CADM2: variants seen among roughly 807,000 people sequenced by gnomAD.
CADM2 encodes immunoglobulin superfamily member 4D.
In CADM2, 12 loss-of-function variants were observed where a neutral mutation model predicts 49.8. That is an observed-to-expected ratio of 0.24 (90% CI 0.15 to 0.39). CADM2 has a LOEUF of 0.39. Ranked by LOEUF, CADM2 falls within the 10% of genes least tolerant of loss-of-function variation. The pLI, the probability that CADM2 is intolerant of heterozygous loss-of-function variation, is 1.00. For synonymous variants in CADM2, 214 were observed against 175.4 expected (o/e 1.22, Z -1.74); for missense variants, 378 against 492.3 (o/e 0.77, Z 2.20).
chr3:85,504,536 T>G (rs948957937), intron 1 of CADM2, among the ~76,000 whole-genome samples: 1 of 152,192 alleles, frequency 6.6e-6, no homozygotes, highest in Non-Finnish European at 1.5e-5. Flanking sequence ...GGGCGCTGAT[T>G]GGTGCATTTA....
At chr3:85,825,697 A>G (rs1271765256) in intron 3 of CADM2, among the ~76,000 whole-genome samples, 3 of 152,126 alleles carry the variant, frequency 2.0e-5, no homozygotes, top group African/African-American at 7.2e-5. Context: ...TATTTTCTAA[A>G]TTAACTTTGT....
At chr3:85,784,886 G>A (rs2070886948) in intron 2 of CADM2, among the ~76,000 whole-genome samples, 1 of 152,092 alleles carries the variant, frequency 6.6e-6, no homozygotes, top group Non-Finnish European at 1.5e-5. Flanking sequence ...AATATTTGTA[G>A]AATTTGACAG....
At chr3:85,246,067 G>T (rs1392327383) in intron 1 of CADM2, among the ~76,000 whole-genome samples, 2 of 152,150 alleles carry the variant, frequency 1.3e-5, no homozygotes, top group Admixed American at 6.5e-5. Context: ...TAGTTTGTGT[G>T]TACTTGTATT....
intron 1 of CADM2, among the ~76,000 whole-genome samples, chr3:85,713,183 C>T (rs982375328): frequency 5.9e-5 from 9 of 152,264 alleles, no homozygotes; most frequent in South Asian, 4.1e-4. Context: ...CTGCAACCTC[C>T]GCCTCCCGGG....
intron 1 of CADM2, among the ~76,000 whole-genome samples, chr3:85,465,546 C>T (rs974246253): frequency 1.3e-5 from 2 of 152,074 alleles, no homozygotes; most frequent in Non-Finnish European, 2.9e-5. Context: ...GAGTCATATT[C>T]ACCTGGAAAA....
intron 1 of CADM2, among the ~76,000 whole-genome samples, chr3:85,588,488 T>C (rs1029516160): frequency 2.6e-5 from 4 of 152,080 alleles, no homozygotes; most frequent in Non-Finnish European, 4.4e-5. Flanking sequence ...ACGTTGAATT[T>C]AATAATGTAT....
intron 1 of CADM2, among the ~76,000 whole-genome samples, chr3:85,676,821 C>T (rs1029032425): frequency 8.5e-5 from 13 of 152,130 alleles, no homozygotes; most frequent in African/African-American, 2.9e-4. Flanking sequence ...TCATCCTGTT[C>T]TTCCTTTGAC....
intron 8 of CADM2, among the ~76,000 whole-genome samples, chr3:86,041,640 T>G (rs976773746): frequency 5.3e-5 from 8 of 152,096 alleles, no homozygotes; most frequent in Admixed American, 2.0e-4. Context: ...ATGGGAGACT[T>G]TAACACCCCA....
At chr3:85,217,423 A>G (rs1376227265) in intron 1 of CADM2, among the ~76,000 whole-genome samples, 1 of 152,032 alleles carries the variant, frequency 6.6e-6, no homozygotes, top group Non-Finnish European at 1.5e-5. Context: ...ATTTATATGT[A>G]TTTTAATCCA....
intron 5 of CADM2, among the ~76,000 whole-genome samples, chr3:85,887,965 T>C (rs1325823050): frequency 6.6e-6 from 1 of 152,198 alleles, no homozygotes; most frequent in East Asian, 1.9e-4. Flanking sequence ...GTAAGAATTC[T>C]CCAGGCAGTG....
At chr3:85,582,761 C>T (rs2062833383) in intron 1 of CADM2, among the ~76,000 whole-genome samples, 2 of 152,072 alleles carry the variant, frequency 1.3e-5, no homozygotes, top group Non-Finnish European at 2.9e-5. Flanking sequence ...AATTAGACAA[C>T]AGAAAGTACT....
chr3:85,405,299 C>A (rs2035317799), intron 1 of CADM2, among the ~76,000 whole-genome samples: 1 of 152,036 alleles, frequency 6.6e-6, no homozygotes, highest in South Asian at 2.1e-4. Context: ...GTACAAATAG[C>A]AATTTAATTG....
intron 1 of CADM2, among the ~76,000 whole-genome samples, chr3:85,409,917 T>C (rs1322730637): frequency 6.6e-6 from 1 of 152,158 alleles, no homozygotes; most frequent in Non-Finnish European, 1.5e-5. Flanking sequence ...AAAAATCTGT[T>C]AATATTGACA....
chr3:85,622,218 G>C (rs779171735), intron 1 of CADM2, among the ~76,000 whole-genome samples: 3 of 151,970 alleles, frequency 2.0e-5, no homozygotes, highest in Admixed American at 6.6e-5. Flanking sequence ...AGGGAGAGAG[G>C]CATAGCTATA....
chr3:84,978,606 G>A (rs1267045029), intron 1 of CADM2, among the ~76,000 whole-genome samples: 1 of 152,064 alleles, frequency 6.6e-6, no homozygotes, highest in Non-Finnish European at 1.5e-5. Context: ...ACAATAAAAG[G>A]GAAAATAGAG....
At chr3:85,366,971 G>A (rs1369026383) in intron 1 of CADM2, among the ~76,000 whole-genome samples, 1 of 151,974 alleles carries the variant, frequency 6.6e-6, no homozygotes, top group African/African-American at 2.4e-5. Context: ...ACACAGCTAT[G>A]TCATTGGCTT....
intron 1 of CADM2, among the ~76,000 whole-genome samples, chr3:85,715,821 C>T (rs2067270559): frequency 6.6e-6 from 1 of 152,154 alleles, no homozygotes; most frequent in Non-Finnish European, 1.5e-5. Flanking sequence ...CATATCCCTG[C>T]AAAGGACATG....
At chr3:85,997,445 T>G (rs1222607625) in intron 8 of CADM2, among the ~76,000 whole-genome samples, 1 of 152,182 alleles carries the variant, frequency 6.6e-6, no homozygotes, top group Non-Finnish European at 1.5e-5. Flanking sequence ...CACTGTTTTA[T>G]TTTAAAACTT....
intron 8 of CADM2, among the ~76,000 whole-genome samples, chr3:86,050,858 G>A (rs1381845942): frequency 1.3e-5 from 2 of 152,164 alleles, no homozygotes; most frequent in Admixed American, 6.5e-5. Flanking sequence ...AGGACAGAAC[G>A]AAACCACCTG....
Sources: gnomAD v4.1 joint callset for allele counts (sites outside exome capture counted in the v4.1 genomes callset) on GRCh38, gnomAD v4.1.1 for gene constraint, MANE v1.5 for transcripts, NCBI Gene and HGNC (gene_info 2026-07-23, HGNC 2026-07-21) for gene names.